Variants in PRKN observed in about 807,000 individuals in gnomAD.
PRKN encodes the protein E3 ubiquitin-protein ligase parkin.
In PRKN, 56 loss-of-function variants were observed where a neutral mutation model predicts 59.5. The observed-to-expected ratio is 0.94, with a 90% CI of 0.76 to 1.18. PRKN has a LOEUF of 1.18. PRKN is among the 50% of genes most tolerant of loss of function. The pLI, the probability that PRKN is intolerant of heterozygous loss-of-function variation, is 0.00. For missense variants in PRKN, 657 were observed against 596.4 expected, an observed-to-expected ratio of 1.10 and a Z score of -1.06; for synonymous variants, 250 against 222.1, an observed-to-expected ratio of 1.13 and a Z score of -1.12.
intron 1 of PRKN, among the ~76,000 whole-genome samples, chr6:162,646,291 T>G (rs2803105): frequency 0.61 from 92,590 of 151,156 alleles, 29,043 homozygotes; most frequent in African/African-American, 0.75. Flanking sequence ...TATTTTTTCA[T>G]AGACAGAGTC....
At chr6:162,549,522 G>A (rs780178334) in intron 1 of PRKN, among the ~76,000 whole-genome samples, 1 of 152,018 alleles carries the variant, frequency 6.6e-6, no homozygotes, top group Non-Finnish European at 1.5e-5. Context: ...TATTATTAGC[G>A]ATTAGTTTCT....
At chr6:162,141,918 G>A (rs570623882) in intron 4 of PRKN, among the ~76,000 whole-genome samples, 14 of 152,126 alleles carry the variant, frequency 9.2e-5, no homozygotes, top group East Asian at 3.8e-4. Flanking sequence ...TGAAAATAGC[G>A]CACTCAGGCA....
At chr6:161,515,966 T>C (rs17570942) in intron 9 of PRKN, among the ~76,000 whole-genome samples, 21,674 of 152,226 alleles carry the variant, frequency 0.14, 1,694 homozygotes, top group African/African-American at 0.19. Flanking sequence ...GACTGCAAAG[T>C]TCAACATTAT....
intron 3 of PRKN, among the ~76,000 whole-genome samples, chr6:162,229,865 A>G (rs1463995391): frequency 6.6e-6 from 1 of 152,214 alleles, no homozygotes; most frequent in Non-Finnish European, 1.5e-5. Context: ...AGCTCAAATT[A>G]TATAGCAAAT....
chr6:161,609,242 T>G lies in PRKN; in HGVS notation c.872-39826A>C, dbSNP rs189449247. Reference sequence around the variant, plus strand: ...AATCTATTTTACTTTTAATTTTTTATACATGTACAAGGGGGATAAATAATG... The same window carrying G: ...AATCTATTTTACTTTTAATTTTTTAGACATGTACAAGGGGGATAAATAATG... On this transcript the variant is annotated intron_variant, in intron 7 of 11. Transcript: ENST00000366898. Among the ~76,000 whole-genome samples, 624 of 152,356 alleles carry G rather than the reference T, an allele frequency of 4.1e-3. 3 individuals carry two copies. Among genetic ancestry groups the G allele is most frequent in the Non-Finnish European group, 4.7e-3 (320 of 68,036 alleles).
At chr6:162,462,967 G>A (rs1190181198) in intron 1 of PRKN, among the ~76,000 whole-genome samples, 3 of 152,040 alleles carry the variant, frequency 2.0e-5, no homozygotes, top group South Asian at 4.1e-4. Flanking sequence ...GGTAGTGGGC[G>A]ACTGAAAGCC....
intron 1 of PRKN, among the ~76,000 whole-genome samples, chr6:162,702,550 A>G (rs781450370): frequency 6.6e-6 from 1 of 152,140 alleles, no homozygotes; most frequent in Non-Finnish European, 1.5e-5. Flanking sequence ...CCTTTCTTCT[A>G]CATCAACTCC....
At chr6:162,154,025 G>A (rs1030834180) in intron 4 of PRKN, among the ~76,000 whole-genome samples, 4 of 152,164 alleles carry the variant, frequency 2.6e-5, no homozygotes, top group African/African-American at 7.2e-5. Context: ...TTGGCTTAAA[G>A]GTGGGGCTTT....
At chr6:162,047,071 C>T (rs764538276) in intron 5 of PRKN, among the ~76,000 whole-genome samples, 9 of 152,114 alleles carry the variant, frequency 5.9e-5, no homozygotes, top group South Asian at 4.1e-4. Context: ...CACTTTGTCA[C>T]GCTTAGACAC....
intron 7 of PRKN, among the ~76,000 whole-genome samples, chr6:161,618,445 T>C (rs1782773403): frequency 6.6e-6 from 1 of 152,180 alleles, no homozygotes. Flanking sequence ...TTTTTTTGCT[T>C]GCCCAAATTT....
intron 1 of PRKN, among the ~76,000 whole-genome samples, chr6:162,520,007 T>TG (rs1209837525): frequency 6.6e-6 from 1 of 152,156 alleles, no homozygotes; most frequent in African/African-American, 2.4e-5. Context: ...CCCAATGCTT[T>TG]GGAAGGCCAA....
intron 6 of PRKN, among the ~76,000 whole-genome samples, chr6:161,858,879 G>A (rs1431395460): frequency 5.3e-5 from 1 of 19,028 alleles, no homozygotes; most frequent in Non-Finnish European, 1.1e-4. Flanking sequence ...TTTTTTTTTT[G>A]AGACAGAGGC....
chr6:162,136,221 T>C (rs181098627), intron 4 of PRKN, among the ~76,000 whole-genome samples: 1 of 151,926 alleles, frequency 6.6e-6, no homozygotes, highest in Non-Finnish European at 1.5e-5. Context: ...CATATATACA[T>C]GCATATCTCA....
At chr6:162,039,068 A>T (rs950638035) in intron 5 of PRKN, among the ~76,000 whole-genome samples, 4 of 152,040 alleles carry the variant, frequency 2.6e-5, no homozygotes, top group Non-Finnish European at 4.4e-5. Context: ...AGGCAGGAGA[A>T]TGGCGTGAAC....
intron 7 of PRKN, among the ~76,000 whole-genome samples, chr6:161,656,943 G>A (rs908149894): frequency 7.9e-5 from 12 of 152,110 alleles, no homozygotes; most frequent in Non-Finnish European, 1.2e-4. Context: ...ACGGGGACTC[G>A]TAAGTTGTGT....
At chr6:162,426,495 C>T (rs780181012) in intron 2 of PRKN, among the ~76,000 whole-genome samples, 9 of 152,200 alleles carry the variant, frequency 5.9e-5, no homozygotes, top group Non-Finnish European at 1.0e-4. Context: ...CTGTCACCCA[C>T]GCTGTAATGC....
chr6:162,665,670 T>C (rs1436330012), intron 1 of PRKN, among the ~76,000 whole-genome samples: 2 of 152,114 alleles, frequency 1.3e-5, no homozygotes, highest in Non-Finnish European at 2.9e-5. Flanking sequence ...CTTCACAGAA[T>C]TAGAAAAAAA....
chr6:162,425,689 G>A (rs1169893631), intron 2 of PRKN, among the ~76,000 whole-genome samples: 1 of 152,172 alleles, frequency 6.6e-6, no homozygotes, highest in Non-Finnish European at 1.5e-5. Context: ...TACCTGGAAT[G>A]CAGCACAAAG....
At chr6:161,674,155 A>G (rs1206733099) in intron 7 of PRKN, among the ~76,000 whole-genome samples, 2 of 152,166 alleles carry the variant, frequency 1.3e-5, no homozygotes, top group Non-Finnish European at 2.9e-5. Flanking sequence ...GGGAATCACA[A>G]CGTTTAGACT....
Sources: gnomAD v4.1 joint callset for allele counts (sites outside exome capture counted in the v4.1 genomes callset) on GRCh38, gnomAD v4.1.1 for gene constraint, MANE v1.5 for transcripts, NCBI Gene and HGNC (gene_info 2026-07-23, HGNC 2026-07-21) for gene names.